The following MEGF6 variants were observed in gnomAD, a reference collection of about 807,000 sequenced individuals.
The protein encoded by MEGF6 is multiple epidermal growth factor-like domains protein 6.
A neutral mutation model predicts 207.1 loss-of-function variants in MEGF6; 184 were observed. The ratio of observed to expected loss-of-function variants is 0.89; its 90% confidence interval spans 0.79 to 1.00. MEGF6 has a LOEUF of 1.00. MEGF6 is among the 50% of genes least tolerant of loss of function. The pLI is 0.00. For synonymous variants in MEGF6, 1,038 were observed against 910.0 expected, an observed-to-expected ratio of 1.14 and a Z score of -2.53; for missense variants, 2,282 against 2,202.9, an observed-to-expected ratio of 1.04 and a Z score of -0.72.
intron 3 of MEGF6, among the ~76,000 whole-genome samples, chr1:3,587,381 T>C (rs1423091228): frequency 2.0e-5 from 3 of 152,262 alleles, no homozygotes; most frequent in Non-Finnish European, 4.4e-5. Flanking sequence ...TTGTCTTTGT[T>C]TGTCTTTTGT....
At chr1:3,506,449 G>A (rs1003394662) in intron 14 of MEGF6, among the ~76,000 whole-genome samples, 5 of 152,168 alleles carry the variant, frequency 3.3e-5, no homozygotes, top group African/African-American at 9.7e-5. Context: ...GGCAAGGGCG[G>A]GTGGAAGAGC....
At chr1:3,497,505 G>T in intron 26 of MEGF6, 144 bp from the exon 27 acceptor site, 2 of 1,138,538 alleles carry the variant, frequency 1.8e-6, no homozygotes. Flanking sequence ...CTCACACCTG[G>T]AGCCCCCCGC....
intron 1 of MEGF6, among the ~76,000 whole-genome samples, chr1:3,603,449 C>T (rs1484707590): frequency 1.3e-5 from 2 of 152,156 alleles, no homozygotes; most frequent in Non-Finnish European, 2.9e-5. Flanking sequence ...GAGGACAAGG[C>T]TCCAGTGCTC....
At position 3,496,793 on chromosome 1, in the gene MEGF6, G is replaced by A. The variant is rs757327252; in HGVS notation, c.3614-10C>T. On this transcript the variant is annotated splice_polypyrimidine_tract_variant and intron_variant, in intron 28 of 36. Transcript: ENST00000356575. Reference sequence around the variant, plus strand: ...CGCCCGGGCGGACATCCTGCAGGGAGAGGGGCTAGCTGCAGGGGCTGGGGC... The same window carrying A: ...CGCCCGGGCGGACATCCTGCAGGGAAAGGGGCTAGCTGCAGGGGCTGGGGC... 89 of 1,553,148 alleles carry A rather than the reference G, an allele frequency of 5.7e-5. 1 individual carries two copies. Among genetic ancestry groups the A allele is most frequent in the Middle Eastern group, 1.7e-4 (1 of 5,950 alleles).
intron 5 of MEGF6, among the ~76,000 whole-genome samples, chr1:3,518,484 G>A (rs1043811784): frequency 1.3e-5 from 2 of 152,130 alleles, no homozygotes; most frequent in African/African-American, 2.4e-5. Flanking sequence ...TGCTCGAGGC[G>A]CAGCATCCTG....
chr1:3,535,563 C>T (rs1355021772), intron 4 of MEGF6, among the ~76,000 whole-genome samples: 2 of 152,196 alleles, frequency 1.3e-5, no homozygotes, highest in African/African-American at 4.8e-5. Flanking sequence ...TCCTCTCCTC[C>T]TCATCTGCTG....
At chr1:3,550,888 G>T (rs1436804532) in intron 4 of MEGF6, among the ~76,000 whole-genome samples, 4 of 152,268 alleles carry the variant, frequency 2.6e-5, no homozygotes, top group African/African-American at 9.6e-5. Flanking sequence ...CCATTGGCAG[G>T]AGACCCTAAC....
chr1:3,611,183 C>G lies in MEGF6; in HGVS notation c.86G>C (p.Gly29Ala). 1 of 1,552,190 alleles carries G rather than the reference C, an allele frequency of 6.4e-7. No homozygotes were observed. The highest frequency in any genetic ancestry group is 8.6e-7 in the Non-Finnish European group (1 of 1,159,500). ...VLLLLPAVPV[G>A]ASVPPRPLLP... ...CAGGGGCCGCGGCGGAACGCTGGCG[C>G]CCACGGGCACGGCGGGGAGCAGCAG... Residue 29 changes from glycine (G) to alanine (A), a missense_variant, in exon 1 of 37, where the codon GGC (glycine) becomes GCC (alanine). Physicochemically the swap from Gly to Ala is moderately conservative, Grantham distance 60. Coordinates refer to ENST00000356575, the MANE Select transcript of MEGF6 (RefSeq NM_001409.4).
In MEGF6 at chr1:3,589,752, T is replaced by G. The variant is rs139443051; in HGVS notation, c.376+5586A>C. ...CCGTATGTCAAGTGGATCGCCTGCA[T>G]CGGCCCCGTTCAACACATTTTAGGG... On this transcript the variant is annotated intron_variant, in intron 3 of 36. Transcript: ENST00000356575. 6.8e-4 allele frequency among the ~76,000 whole-genome samples: 104 copies of G among 152,320 alleles called. 2 individuals are homozygous for G. In the East Asian group the frequency reaches 0.015, roughly 22 times the overall value.
At chr1:3,534,096 A>G (rs1379249371) in intron 4 of MEGF6, among the ~76,000 whole-genome samples, 4 of 152,154 alleles carry the variant, frequency 2.6e-5, no homozygotes, top group African/African-American at 9.7e-5. Flanking sequence ...AGGGAAGGTC[A>G]GGCACTCGGA....
At chr1:3,608,404 C>G (rs1557433350) in intron 1 of MEGF6, among the ~76,000 whole-genome samples, 1 of 152,112 alleles carries the variant, frequency 6.6e-6, no homozygotes, top group Non-Finnish European at 1.5e-5. Flanking sequence ...ACCCTGGGGT[C>G]GGGGAGCAGG....
At chr1:3,499,338 G>T in intron 23 of MEGF6, 72 bp from the exon 24 acceptor site, 1 of 1,520,562 alleles carries the variant, frequency 6.6e-7, no homozygotes, top group Non-Finnish European at 8.9e-7. Context: ...ATCACAGCCA[G>T]CTGGGCAGAT....
At chr1:3,578,537 G>GGT (rs1553205783) in intron 4 of MEGF6, among the ~76,000 whole-genome samples, 1 of 58,952 alleles carries the variant, frequency 1.7e-5, no homozygotes, top group East Asian at 4.8e-4. Flanking sequence ...CAGGGGCCCT[G>GGT]GGGGGGGGGG....
Position 3,505,226 on chromosome 1 carries a change from C to T in MEGF6, c.2170G>A (p.Gly724Arg). 6.2e-7 allele frequency: 1 copy of T among 1,611,938 alleles called. No homozygotes were observed. The highest frequency in any genetic ancestry group is 8.5e-7 in the Non-Finnish European group (1 of 1,179,528). ...CACTCACCTTGGCCACAGTCCTCTC[C>T]CTGGAAGCCAGCAGGACACCGCTTC... ...CGKRCPAGFQ[G>R]EDCGQECPVG... is the part of the protein sequence containing the mutation. The change falls in exon 17 of 37, where the codon GGA becomes AGA. Residue 724 changes from glycine (G) to arginine (R), a missense_variant. Transcript: ENST00000356575.
intron 4 of MEGF6, among the ~76,000 whole-genome samples, chr1:3,563,385 C>T (rs1394845449): frequency 6.6e-6 from 1 of 152,182 alleles, no homozygotes; most frequent in Non-Finnish European, 1.5e-5. Flanking sequence ...ACCACCTGCC[C>T]TGTCCACAGA....
At chr1:3,571,822 TGCTGGGTGTGCTAGGTC>T (rs1643504691) in intron 4 of MEGF6, among the ~76,000 whole-genome samples, 1 of 134,868 alleles carries the variant, frequency 7.4e-6, no homozygotes, top group Non-Finnish European at 1.6e-5. Flanking sequence ...TGCTGGGTCC[TGCTGGGTGTGCTAGGTC>T]CTCCTGGGTG....
At position 3,489,839 on chromosome 1, in the gene MEGF6, G is replaced by A. The variant is rs940817197; in HGVS notation, c.*689C>T. On this transcript the variant is annotated 3_prime_UTR_variant, in exon 37 of 37. Transcript: ENST00000356575. ...GCCCCGGGTGCACTGGGAGGTCCCT[G>A]GGTGCACCGTTATGCTGGCCGGGCC... 6.6e-6 allele frequency: 1 copy of A among 152,338 alleles called. No homozygotes were observed. The highest frequency in any genetic ancestry group is 6.5e-5 in the Admixed American group (1 of 15,292). The allele number at this position is 152,338 out of a possible 1,614,324, so 9.4% of individuals were successfully genotyped here. A position where few individuals can be genotyped will look rare whatever the true frequency, so the allele number is the denominator to read the frequency against.
intron 4 of MEGF6, among the ~76,000 whole-genome samples, chr1:3,528,327 G>A (rs537689740): frequency 2.0e-5 from 3 of 152,222 alleles, no homozygotes; most frequent in Admixed American, 1.3e-4. Flanking sequence ...GGCACCCCAC[G>A]TGATGGCAGG....
At chr1:3,618,662 T>A in the MEGF6 span, among the ~76,000 whole-genome samples, 2 of 152,156 alleles carry the variant, frequency 1.3e-5, no homozygotes, top group Non-Finnish European at 2.9e-5. This position sits in a 1 kb window ranked among gnomAD's most constrained non-coding sequence, Gnocchi z 4.7. Flanking sequence ...TGTCATGACT[T>A]GCCAAAGAGT....
Sources: allele counts gnomAD v4.1 joint callset (sites outside exome capture counted in the v4.1 genomes callset), GRCh38; gene constraint gnomAD v4.1.1; non-coding constraint Gnocchi (gnomAD v3.1); transcripts MANE v1.5; gene names NCBI Gene and HGNC (gene_info 2026-07-23, HGNC 2026-07-21).